The following YAP1 variants were observed in gnomAD, a reference collection of about 807,000 sequenced individuals.
YAP1 encodes the protein transcriptional coactivator YAP1.
A neutral mutation model predicts 56.9 loss-of-function variants in YAP1; 5 were observed. The ratio of observed to expected loss-of-function variants is 0.09; its 90% CI spans 0.05 to 0.18. The LOEUF (loss-of-function observed/expected upper bound fraction) is 0.18, where lower values mean the gene tolerates loss of function less well. Ranked by LOEUF, YAP1 falls within the 10% of genes least tolerant of loss-of-function variation. The pLI, the probability that YAP1 is intolerant of heterozygous loss-of-function variation, is 1.00. For synonymous variants in YAP1, 265 were observed against 248.1 expected (o/e 1.07, Z -0.64); for missense variants, 539 against 651.8 (o/e 0.83, Z 1.88).
intron 3 of YAP1, among the ~76,000 whole-genome samples, chr11:102,167,763 T>C (rs1946688589): frequency 6.6e-6 from 1 of 152,096 alleles, no homozygotes; most frequent in Admixed American, 6.5e-5. Context: ...TAAGGCTGGG[T>C]GTGGTCGTTC....
chr11:102,144,148 G>A (rs1260491549), intron 2 of YAP1, among the ~76,000 whole-genome samples: 1 of 152,172 alleles, frequency 6.6e-6, no homozygotes, highest in African/African-American at 2.4e-5. Context: ...ACTGAAAGTA[G>A]TGATTACCAG....
intron 6 of YAP1, among the ~76,000 whole-genome samples, chr11:102,219,604 T>TA (rs1565282585): frequency 1.3e-5 from 2 of 151,860 alleles, no homozygotes; most frequent in Non-Finnish European, 2.9e-5. Flanking sequence ...AAGTAGAAGA[T>TA]AGAAAAGAAA....
chr11:102,179,042 C>T (rs529078551), intron 3 of YAP1, among the ~76,000 whole-genome samples: 1 of 139,008 alleles, frequency 7.2e-6, no homozygotes, highest in African/African-American at 2.6e-5. Context: ...ATGAGGTACC[C>T]CACCCCCCAC....
At chr11:102,182,451 A>C (rs1214162360) in intron 3 of YAP1, among the ~76,000 whole-genome samples, 1 of 152,156 alleles carries the variant, frequency 6.6e-6, no homozygotes, top group Non-Finnish European at 1.5e-5. Context: ...ACTAAGTGTA[A>C]TTTGTTTCAC....
chr11:102,186,285 C>A, intron 4 of YAP1, 154 bp downstream of exon 4: 1 of 835,820 alleles, frequency 1.2e-6, no homozygotes, highest in Non-Finnish European at 1.8e-6. Context: ...TGTTTTTATC[C>A]TTCTCATTGT....
chr11:102,225,551 G>A (rs4475891), intron 7 of YAP1, among the ~76,000 whole-genome samples: 52,273 of 152,012 alleles, frequency 0.34, 9,100 homozygotes, highest in East Asian at 0.41. Flanking sequence ...TTTGATTTAT[G>A]TATATTCCTT....
At chr11:102,226,258 G>A (rs1041208145) in intron 7 of YAP1, among the ~76,000 whole-genome samples, 3 of 152,126 alleles carry the variant, frequency 2.0e-5, no homozygotes, top group Non-Finnish European at 4.4e-5. Flanking sequence ...ATCTGTGTGA[G>A]GCTTTTGAGC....
rs1257475229 is a variant in YAP1, at chr11:102,232,807, G to A, written c.*2867G>A. 6.6e-6 allele frequency: 1 copy of A among 152,586 alleles called. No individual in the cohort carries two copies. Among genetic ancestry groups the A allele is most frequent in the African/African-American group, 2.4e-5 (1 of 41,440 alleles). The allele number at this position is 152,586 out of a possible 1,614,324, so 9.5% of individuals were successfully genotyped here. ...CTTAGATCTACTTATGGTTGATGGAGCACATTGATTTGGAGTTTCAGATCT... is the reference window on the plus strand; with the variant it reads ...CTTAGATCTACTTATGGTTGATGGAACACATTGATTTGGAGTTTCAGATCT... On this transcript the variant is annotated 3_prime_UTR_variant, in exon 9 of 9. Coordinates refer to ENST00000282441, the MANE Select transcript of YAP1 (RefSeq NM_001130145.3).
chr11:102,164,868 A>C (rs1268236651), intron 3 of YAP1, among the ~76,000 whole-genome samples: 2 of 152,094 alleles, frequency 1.3e-5, no homozygotes, highest in Non-Finnish European at 1.5e-5. Flanking sequence ...GATTATAGGA[A>C]TGCGCCACCA....
intron 3 of YAP1, among the ~76,000 whole-genome samples, chr11:102,173,124 T>A (rs555649643): frequency 6.6e-6 from 1 of 151,986 alleles, no homozygotes; most frequent in East Asian, 1.9e-4. Context: ...GTGATGAAAG[T>A]GATTGGGTTG....
At chr11:102,191,577 G>C (rs61893578) in intron 4 of YAP1, among the ~76,000 whole-genome samples, 4,430 of 152,256 alleles carry the variant, frequency 0.029, 103 homozygotes, top group Admixed American at 0.056. Context: ...AAATTTGAGA[G>C]GGAGAAAAAT....
At chr11:102,162,987 A>G (rs59330573) in intron 3 of YAP1, among the ~76,000 whole-genome samples, 129 of 130,176 alleles carry the variant, frequency 9.9e-4, no homozygotes, top group African/African-American at 3.3e-3. Context: ...TTTTTTTTTC[A>G]TTTTTTTTTT....
At chr11:102,183,082 A>G (rs1947723117) in intron 3 of YAP1, among the ~76,000 whole-genome samples, 1 of 152,240 alleles carries the variant, frequency 6.6e-6, no homozygotes, top group African/African-American at 2.4e-5. Context: ...TATGTAATCA[A>G]GTAATTACAA....
intron 4 of YAP1, among the ~76,000 whole-genome samples, chr11:102,198,548 G>A (rs914174922): frequency 6.6e-6 from 1 of 152,170 alleles, no homozygotes; most frequent in Non-Finnish European, 1.5e-5. Flanking sequence ...TATAGCTCTA[G>A]AATCTGTTTT....
chr11:102,110,882 G>A lies in YAP1; in HGVS notation c.34G>A (p.Ala12Thr). The A allele has an allele frequency of 7.0e-7, 1 of 1,420,808 alleles. No individual in the cohort carries two copies. The highest frequency in any genetic ancestry group is 1.4e-5 in the South Asian group (1 of 69,414). 88.0% of individuals were successfully genotyped at this position (1,420,808 alleles called of 1,614,324 possible). ...CGGGCAGCAGCCGCCGCCTCAACCG[G>A]CCCCCCAGGGCCAAGGGCAGCCGCC... ...DPGQQPPPQP[A>T]PQGQGQPPSQ... The change falls in exon 1 of 9, where the codon GCC becomes ACC. Residue 12 changes from alanine (A) to threonine (T), a missense_variant. Transcript: ENST00000282441.
chr11:102,140,543 C>T (rs1350943549), intron 2 of YAP1, among the ~76,000 whole-genome samples: 2 of 152,094 alleles, frequency 1.3e-5, no homozygotes, highest in East Asian at 3.9e-4. Context: ...ATTACTAGGC[C>T]TTTTAAAAAT....
intron 3 of YAP1, among the ~76,000 whole-genome samples, chr11:102,175,476 T>C (rs1026970125): frequency 2.0e-5 from 3 of 152,240 alleles, no homozygotes; most frequent in Non-Finnish European, 2.9e-5. Flanking sequence ...TTTTCCCATA[T>C]TCGGCTTATC....
intron 2 of YAP1, among the ~76,000 whole-genome samples, chr11:102,158,105 A>G (rs1946058436): frequency 2.0e-5 from 3 of 152,234 alleles, no homozygotes; most frequent in Admixed American, 6.5e-5. Flanking sequence ...AAACGATTTA[A>G]GATTACACTC....
intron 4 of YAP1, among the ~76,000 whole-genome samples, chr11:102,192,825 T>C (rs1354044259): frequency 1.3e-5 from 2 of 152,208 alleles, no homozygotes; most frequent in East Asian, 3.8e-4. Context: ...CTGGTCACAG[T>C]GTGGAATTAC....
Sources: gnomAD v4.1 joint callset for allele counts (sites outside exome capture counted in the v4.1 genomes callset) on GRCh38, gnomAD v4.1.1 for gene constraint, MANE v1.5 for transcripts, NCBI Gene and HGNC (gene_info 2026-07-23, HGNC 2026-07-21) for gene names.